JMJD1C: variants seen among roughly 807,000 people sequenced by gnomAD.
The protein encoded by JMJD1C is jumonji domain containing 1C, also known as jumonji domain-containing protein 1C.
Under a neutral mutation model 245.3 loss-of-function variants are expected in JMJD1C, and 31 were observed. That is an observed-to-expected ratio of 0.13 (90% CI 0.09 to 0.17). The LOEUF is 0.17. Among genes scored for constraint, JMJD1C ranks in the 10% least tolerant of loss-of-function variants. JMJD1C has a pLI of 1.00. For synonymous variants in JMJD1C, 1,057 were observed against 1,017.4 expected, an observed-to-expected ratio of 1.04 and a Z score of -0.74; for missense variants, 2,691 against 3,000.2, an observed-to-expected ratio of 0.90 and a Z score of 2.41.
chr10:63,265,106 A>G (rs1855377547), intron 2 of JMJD1C, among the ~76,000 whole-genome samples: 1 of 151,396 alleles, frequency 6.6e-6, no homozygotes, highest in South Asian at 2.1e-4. Flanking sequence ...TGGGTTGTAG[A>G]GCTATTTACC....
In JMJD1C at chr10:63,213,818, A is replaced by C. The variant is rs755118052; in HGVS notation, c.2349T>G (p.Thr783=). The stretch of plus-strand genomic sequence containing the variant: ...GATGAACAGCATGGTGTGGACCACT[A>C]GTCAGAGGATGAGTGTTAATGGTAG... ...PLPTINTHPL[T]SGPHHAVHHP... is the part of the protein sequence containing the mutation. Residue 783 remains threonine, a synonymous_variant, in exon 8 of 26, where the codon ACT becomes ACG. Transcript: ENST00000399262. The C allele has an allele frequency of 2.4e-5, 39 of 1,613,900 alleles. No individual in the cohort carries two copies. In the Admixed American group the frequency reaches 6.3e-4, roughly 26 times the overall value.
chr10:63,461,881 T>A (rs570103208), intron 1 of JMJD1C, among the ~76,000 whole-genome samples: 22 of 152,230 alleles, frequency 1.4e-4, no homozygotes, highest in African/African-American at 4.8e-4. Flanking sequence ...GAAGCGAAGT[T>A]AAACAAGAGG....
chr10:63,181,595 CTT>C (rs1170145291), intron 22 of JMJD1C, among the ~76,000 whole-genome samples: 1 of 152,000 alleles, frequency 6.6e-6, no homozygotes, highest in African/African-American at 2.4e-5. Flanking sequence ...GTGACAAAAA[CTT>C]TTTAGATAAA....
chr10:63,439,249 A>G lies in JMJD1C; in HGVS notation c.168+26246T>C, dbSNP rs544423713. 2.0e-5 allele frequency among the ~76,000 whole-genome samples: 3 copies of G among 152,332 alleles called. No individual in the cohort carries two copies. In the South Asian group the frequency reaches 6.2e-4, roughly 32 times the overall value. On this transcript the variant is annotated intron_variant, in intron 1 of 25. Transcript: ENST00000399262. The stretch of plus-strand genomic sequence containing the variant: ...TTATAAAGCTGTATTTTTAGACCTC[A>G]GTAGCTTTCTTCTCTGTAGAAACAA...
chr10:63,414,388 C>T (rs897110154), intron 1 of JMJD1C, among the ~76,000 whole-genome samples: 2 of 151,890 alleles, frequency 1.3e-5, no homozygotes, highest in Admixed American at 6.6e-5. Flanking sequence ...ATATTTTAGT[C>T]TGTGTATTAT....
upstream of JMJD1C, among the ~76,000 whole-genome samples, chr10:63,468,119 AAATC>A (rs1953373864): frequency 6.6e-6 from 1 of 152,232 alleles, no homozygotes; most frequent in African/African-American, 2.4e-5. Flanking sequence ...GTAATCCAAC[AAATC>A]AATCAAAATA....
At position 63,184,021 on chromosome 10, in the gene JMJD1C, G is replaced by A. The variant is rs571938136; in HGVS notation, c.6962-452C>T. ...CGACTCACTGCAACCTCCACCTCCC[G>A]GGTTCAAGCAATTCTCCTGCCTCAG... On this transcript the variant is annotated intron_variant, in intron 21 of 25. Transcript: ENST00000399262. Among the ~76,000 whole-genome samples, 11 of 145,522 alleles carry A rather than the reference G, an allele frequency of 7.6e-5. No homozygotes were observed. The South Asian group carries it at 9.4e-4, about 12-fold the overall frequency.
chr10:63,471,973 A>C (rs548415382), intron 1 of JMJD1C, among the ~76,000 whole-genome samples: 1 of 152,270 alleles, frequency 6.6e-6, no homozygotes, highest in Admixed American at 6.5e-5. Context: ...GGGAAGCAAG[A>C]GACTTCAGTG....
chr10:63,369,735 T>C (rs1946144228), intron 2 of JMJD1C, among the ~76,000 whole-genome samples: 1 of 152,150 alleles, frequency 6.6e-6, no homozygotes. Flanking sequence ...GGCTAGGGCA[T>C]AGCCTATACA....
At chr10:63,288,077 C>A (rs1370061889) in intron 2 of JMJD1C, among the ~76,000 whole-genome samples, 2 of 152,136 alleles carry the variant, frequency 1.3e-5, no homozygotes, top group African/African-American at 4.8e-5. Context: ...GACAGGTTCT[C>A]ATTTTGTTGC....
At chr10:63,229,621 ACT>A (rs747710721) in intron 3 of JMJD1C, among the ~76,000 whole-genome samples, 9 of 152,138 alleles carry the variant, frequency 5.9e-5, no homozygotes, top group Non-Finnish European at 1.0e-4. Flanking sequence ...ATATAATAAA[ACT>A]CTATTTTCAT....
In JMJD1C at chr10:63,335,589, G is replaced by A. The variant is rs1453541229; in HGVS notation, c.333+44729C>T. ...TGCAGTGGCACAATCCCGGCTCACC[G>A]CAAGCTCCGCCTCCAGGGTTCAAGC... On this transcript the variant is annotated intron_variant, in intron 2 of 25. Coordinates refer to ENST00000399262, the MANE Select transcript of JMJD1C (RefSeq NM_032776.3). Among the ~76,000 whole-genome samples the A allele has an allele frequency of 2.0e-5, 3 of 152,090 alleles. No individual in the cohort carries two copies. The East Asian group carries it at 5.8e-4, about 29-fold the overall frequency.
intron 2 of JMJD1C, among the ~76,000 whole-genome samples, chr10:63,298,703 G>A (rs755970132): frequency 2.0e-5 from 3 of 151,988 alleles, no homozygotes; most frequent in Non-Finnish European, 4.4e-5. Context: ...ATGTTCTCCC[G>A]ACATCAGTAA....
intron 3 of JMJD1C, among the ~76,000 whole-genome samples, chr10:63,259,480 G>GT (rs1490164435): frequency 2.0e-5 from 3 of 152,074 alleles, no homozygotes; most frequent in Non-Finnish European, 2.9e-5. Flanking sequence ...CTAGGCAACT[G>GT]TTTGAGCTAT....
chr10:63,428,984 T>C (rs1950596053), intron 1 of JMJD1C, among the ~76,000 whole-genome samples: 1 of 151,892 alleles, frequency 6.6e-6, no homozygotes, highest in Admixed American at 6.6e-5. Flanking sequence ...GTCTTTCTTT[T>C]GGTGGGGGGG....
intron 3 of JMJD1C, among the ~76,000 whole-genome samples, chr10:63,263,851 G>A (rs909579039): frequency 6.6e-6 from 1 of 150,756 alleles, no homozygotes; most frequent in Non-Finnish European, 1.5e-5. Flanking sequence ...AGCATTGCTT[G>A]AACCCAGGAG....
chr10:63,444,039 T>C (rs772322952), intron 1 of JMJD1C, among the ~76,000 whole-genome samples: 5 of 152,236 alleles, frequency 3.3e-5, no homozygotes, highest in South Asian at 2.1e-4. Context: ...TTAAATGCTA[T>C]GTTAGCCTAC....
chr10:63,471,233 A>T (rs1472515189), intron 1 of JMJD1C, among the ~76,000 whole-genome samples: 1 of 152,234 alleles, frequency 6.6e-6, no homozygotes, highest in East Asian at 1.9e-4. Flanking sequence ...TTCTGTTTAT[A>T]TCCATGAAAG....
At chr10:63,359,212 T>C (rs934516023) in intron 2 of JMJD1C, 2 of 152,270 alleles carry the variant, frequency 1.3e-5, no homozygotes, top group African/African-American at 4.8e-5. Flanking sequence ...CACTATTACC[T>C]AGCCATTGGT....
Sources: gnomAD v4.1 joint callset for allele counts (sites outside exome capture counted in the v4.1 genomes callset) on GRCh38, gnomAD v4.1.1 for gene constraint, MANE v1.5 for transcripts, NCBI Gene and HGNC (gene_info 2026-07-23, HGNC 2026-07-21) for gene names.